The following AGBL4 variants were observed in gnomAD, a reference collection of about 807,000 sequenced individuals.
The protein encoded by AGBL4 is cytosolic carboxypeptidase 6.
In AGBL4, 58 loss-of-function variants were observed where a neutral mutation model predicts 66.4. That is an observed-to-expected ratio of 0.87 (90% CI 0.71 to 1.09). The LOEUF (loss-of-function observed/expected upper bound fraction) is 1.09, where lower values mean the gene tolerates loss of function less well. AGBL4 is among the 50% of genes least tolerant of loss of function. The pLI is 0.00. For synonymous variants in AGBL4, 234 were observed against 222.9 expected, an observed-to-expected ratio of 1.05 and a Z score of -0.44; for missense variants, 579 against 631.0, an observed-to-expected ratio of 0.92 and a Z score of 0.88.
At position 49,936,487 on chromosome 1, in the gene AGBL4, C is replaced by T. The variant is rs377675800; in HGVS notation, c.35-84969G>A. Among the ~76,000 whole-genome samples, 69 of 152,162 alleles carry T rather than the reference C, an allele frequency of 4.5e-4. 2 individuals are homozygous for T. The South Asian group carries it at 1.0e-2, about 22-fold the overall frequency. On this transcript the variant is annotated intron_variant, in intron 1 of 13. Coordinates refer to ENST00000371839, the MANE Select transcript of AGBL4 (RefSeq NM_032785.4). ...ATTCAGATTCAGGAAATACAGAGAACGCCACAAAGATACTCCTCGAGAAGA... is the reference window on the plus strand; with the variant it reads ...ATTCAGATTCAGGAAATACAGAGAATGCCACAAAGATACTCCTCGAGAAGA...
At chr1:49,089,045 G>C (rs1217592293) in intron 4 of AGBL4, among the ~76,000 whole-genome samples, 1 of 151,586 alleles carries the variant, frequency 6.6e-6, no homozygotes, top group Non-Finnish European at 1.5e-5. Context: ...AGAAATTCTT[G>C]GAAACTAATG....
At chr1:48,567,893 C>T (rs1644501289) in intron 11 of AGBL4, among the ~76,000 whole-genome samples, 1 of 152,116 alleles carries the variant, frequency 6.6e-6, no homozygotes, top group Admixed American at 6.6e-5. Context: ...AGGTTATTGG[C>T]CCTGAGGCTT....
At chr1:49,321,957 AG>A (rs1224443894) in intron 3 of AGBL4, among the ~76,000 whole-genome samples, 1 of 152,212 alleles carries the variant, frequency 6.6e-6, no homozygotes, top group East Asian at 1.9e-4. Flanking sequence ...TTTATTTTTC[AG>A]ATGGTGTACT....
intron 9 of AGBL4, among the ~76,000 whole-genome samples, chr1:48,598,174 T>C (rs960997207): frequency 5.9e-5 from 9 of 152,116 alleles, no homozygotes; most frequent in Non-Finnish European, 1.0e-4. Context: ...CTATGTACAG[T>C]AGAAAGACAT....
At chr1:48,527,677 A>C in the AGBL4 span, among the ~76,000 whole-genome samples, 4 of 152,078 alleles carry the variant, frequency 2.6e-5, no homozygotes, top group South Asian at 8.3e-4. Flanking sequence ...GACAACTGCT[A>C]AGACTGGGAG....
At chr1:48,709,970 G>T (rs1327172822) in intron 6 of AGBL4, among the ~76,000 whole-genome samples, 1 of 152,094 alleles carries the variant, frequency 6.6e-6, no homozygotes, top group Non-Finnish European at 1.5e-5. Flanking sequence ...CCATGAAATA[G>T]GTCCTGTTGT....
intron 3 of AGBL4, among the ~76,000 whole-genome samples, chr1:49,444,980 T>C (rs918103750): frequency 2.6e-5 from 4 of 151,970 alleles, no homozygotes; most frequent in African/African-American, 9.7e-5. Flanking sequence ...TGTGTTTTCA[T>C]GATGGCAAAA....
intron 6 of AGBL4, among the ~76,000 whole-genome samples, chr1:48,848,181 C>T (rs6662491): frequency 0.82 from 124,263 of 152,226 alleles, 53,573 homozygotes; most frequent in Non-Finnish European, 0.96. Context: ...CTTGTCCCTG[C>T]AGGCTACGGT....
At chr1:48,631,636 C>T (rs1424617102) in intron 9 of AGBL4, among the ~76,000 whole-genome samples, 1 of 152,104 alleles carries the variant, frequency 6.6e-6, no homozygotes, top group African/African-American at 2.4e-5. Flanking sequence ...TCAGGTGGTC[C>T]GCCTGCCTCA....
chr1:48,703,945 C>T (rs920235838), intron 6 of AGBL4, among the ~76,000 whole-genome samples: 28 of 152,190 alleles, frequency 1.8e-4, no homozygotes, highest in Non-Finnish European at 8.8e-5. Flanking sequence ...CCTCATTAGG[C>T]AATTGCATGG....
intron 2 of AGBL4, among the ~76,000 whole-genome samples, chr1:49,759,711 G>C (rs1382857043): frequency 6.6e-6 from 1 of 152,156 alleles, no homozygotes; most frequent in Non-Finnish European, 1.5e-5. Flanking sequence ...CAACCCAAAT[G>C]TCCATTAACA....
chr1:49,575,737 G>A (rs1467983621), intron 3 of AGBL4, among the ~76,000 whole-genome samples: 1 of 152,156 alleles, frequency 6.6e-6, no homozygotes, highest in Non-Finnish European at 1.5e-5. Flanking sequence ...CACTGACTTG[G>A]CAAATGCCTT....
At position 48,778,805 on chromosome 1, in the gene AGBL4, T is replaced by C. The variant is rs530937963; in HGVS notation, c.634+88386A>G. Among the ~76,000 whole-genome samples the C allele has an allele frequency of 1.7e-3, 257 of 152,340 alleles. No individual in the cohort carries two copies. In the Middle Eastern group the frequency reaches 0.027, roughly 16 times the overall value. ...GGCAGATATTTATTTCACTGTGAAA[T>C]AGACAGTGCGTTATATAAGTGAATC... On this transcript the variant is annotated intron_variant, in intron 6 of 13. Coordinates refer to ENST00000371839, the MANE Select transcript of AGBL4 (RefSeq NM_032785.4).
In AGBL4 at chr1:49,915,741, T is replaced by C. The variant is rs1019373384; in HGVS notation, c.35-64223A>G. On this transcript the variant is annotated intron_variant, in intron 1 of 13. Transcript: ENST00000371839. Reference sequence around the variant, plus strand: ...CTGAGAGCTTTGAAGAGAGTAGTGGTTCTCCCAGCAAGGAGTCTGAGATCT... The same window carrying C: ...CTGAGAGCTTTGAAGAGAGTAGTGGCTCTCCCAGCAAGGAGTCTGAGATCT... Among the ~76,000 whole-genome samples, 4 of 152,228 alleles carry C rather than the reference T, an allele frequency of 2.6e-5. No homozygotes were observed. The East Asian group carries it at 7.8e-4, about 30-fold the overall frequency.
rs1339678808 is a variant in AGBL4 at position 48,649,737 on chromosome 1, C to T, written c.839+3600G>A. The stretch of plus-strand genomic sequence containing the variant: ...ATGAAATCTGGGAAATCTCCCTGAC[C>T]AGCCTTCCTAGATTGGATTATATGC... On this transcript the variant is annotated intron_variant, in intron 8 of 13. Transcript: ENST00000371839. Among the ~76,000 whole-genome samples the T allele has an allele frequency of 3.9e-5, 6 of 152,128 alleles. No homozygotes were observed. The South Asian group carries it at 1.2e-3, about 31-fold the overall frequency.
intron 5 of AGBL4, among the ~76,000 whole-genome samples, chr1:48,907,641 T>C (rs1652734900): frequency 6.6e-6 from 1 of 152,168 alleles, no homozygotes; most frequent in Non-Finnish European, 1.5e-5. Context: ...ATCTGCAATC[T>C]TTTGGGGTCC....
intron 6 of AGBL4, among the ~76,000 whole-genome samples, chr1:48,852,347 A>G (rs746629533): frequency 1.3e-5 from 2 of 152,168 alleles, no homozygotes; most frequent in Non-Finnish European, 2.9e-5. Flanking sequence ...CCAAATGCCC[A>G]TATTCCTCTA....
intron 3 of AGBL4, among the ~76,000 whole-genome samples, chr1:49,483,873 A>G (rs1319941816): frequency 6.6e-6 from 1 of 152,114 alleles, no homozygotes; most frequent in Non-Finnish European, 1.5e-5. Flanking sequence ...ATTAATAAAC[A>G]GAATATATAA....
chr1:49,862,987 A>G (rs953264898), intron 1 of AGBL4, among the ~76,000 whole-genome samples: 1 of 152,210 alleles, frequency 6.6e-6, no homozygotes. Context: ...TAGTAAGTAC[A>G]CAGAAAAACA....
Sources: allele counts gnomAD v4.1 joint callset (sites outside exome capture counted in the v4.1 genomes callset), GRCh38; gene constraint gnomAD v4.1.1; transcripts MANE v1.5; gene names NCBI Gene and HGNC (gene_info 2026-07-23, HGNC 2026-07-21).